The following XDH variants were observed in gnomAD, a reference collection of about 807,000 sequenced individuals.
The protein encoded by XDH is xanthine dehydrogenase, also known as xanthine dehydrogenase/oxidase.
XDH carries 138 observed loss-of-function variants against 156.1 expected under a neutral mutation model. The observed-to-expected ratio is 0.88, with a 90% CI of 0.77 to 1.02. XDH has a LOEUF of 1.02. Among genes scored for constraint, XDH ranks in the 50% least tolerant of loss-of-function variants. XDH has a pLI of 0.00. For missense variants in XDH, 1,849 were observed against 1,684.9 expected, an observed-to-expected ratio of 1.10 and a Z score of -1.71; for synonymous variants, 669 against 625.7, an observed-to-expected ratio of 1.07 and a Z score of -1.03.
intron 4 of XDH, among the ~76,000 whole-genome samples, chr2:31,399,911 C>T (rs1431293208): frequency 6.6e-6 from 1 of 152,216 alleles, no homozygotes; most frequent in African/African-American, 2.4e-5. Flanking sequence ...TGAGAATAGA[C>T]TAATACTTGA....
At chr2:31,361,938 T>C (rs1260005230) in intron 24 of XDH, among the ~76,000 whole-genome samples, 2 of 152,196 alleles carry the variant, frequency 1.3e-5, no homozygotes, top group Non-Finnish European at 2.9e-5. Flanking sequence ...AATTTAATGG[T>C]AATTGCTTGC....
At chr2:31,400,988 T>C (rs1189690839) in intron 4 of XDH, among the ~76,000 whole-genome samples, 1 of 152,222 alleles carries the variant, frequency 6.6e-6, no homozygotes, top group Non-Finnish European at 1.5e-5. Context: ...CTTCAGATCA[T>C]GCAATGTTAT....
intron 31 of XDH, among the ~76,000 whole-genome samples, chr2:31,343,634 GT>G (rs146699532): frequency 0.055 from 7,542 of 136,514 alleles, 226 homozygotes; most frequent in South Asian, 0.072. Context: ...GCATAGAAAT[GT>G]TTTGTGTGTG....
intron 15 of XDH, among the ~76,000 whole-genome samples, chr2:31,374,300 G>A (rs1339836966): frequency 6.6e-6 from 1 of 152,150 alleles, no homozygotes; most frequent in African/African-American, 2.4e-5. Context: ...CCTCAATTCT[G>A]TGGGAAGCAT....
At chr2:31,369,546 A>G (rs45550931) in intron 18 of XDH, among the ~76,000 whole-genome samples, 3,632 of 152,242 alleles carry the variant, frequency 0.024, 134 homozygotes, top group African/African-American at 0.081. Context: ...TATGGCCCAA[A>G]TAAGCTATTG....
Position 31,335,083 on chromosome 2 carries a change from C to T in XDH, c.*875G>A, listed in dbSNP as rs1390586814. On this transcript the variant is annotated 3_prime_UTR_variant, in exon 36 of 36. Transcript: ENST00000379416. ...ACAGGAGCTCTCTATGTTGCCCAGGCTGGTCTCAAACTGCTGGGCTCAAGC... is the reference window on the plus strand; with the variant it reads ...ACAGGAGCTCTCTATGTTGCCCAGGTTGGTCTCAAACTGCTGGGCTCAAGC... 1 of 152,182 alleles carries T rather than the reference C, an allele frequency of 6.6e-6. No individual in the cohort carries two copies. The highest frequency in any genetic ancestry group is 1.9e-4 in the East Asian group (1 of 5,196). The allele number at this position is 152,182 out of a possible 1,614,324, so 9.4% of individuals were successfully genotyped here.
At chr2:31,371,583 G>A (rs1686072513) in intron 17 of XDH, among the ~76,000 whole-genome samples, 1 of 152,168 alleles carries the variant, frequency 6.6e-6, no homozygotes, top group South Asian at 2.1e-4. Context: ...TAGACAATGT[G>A]GGTTATGGTA....
At chr2:31,408,819 A>G (rs1291930091) in intron 1 of XDH, among the ~76,000 whole-genome samples, 2 of 152,242 alleles carry the variant, frequency 1.3e-5, no homozygotes, top group African/African-American at 2.4e-5. Flanking sequence ...AGTATATAAA[A>G]CAGATACCTG....
rs1687430744 is a variant in XDH, at chr2:31,414,642, A to G, written c.25T>C (p.Phe9Leu). The G allele has an allele frequency of 2.5e-6, 4 of 1,614,000 alleles. No individual in the cohort carries two copies. The highest frequency in any genetic ancestry group is 3.4e-6 in the Non-Finnish European group (4 of 1,179,990). Residue 9 changes from phenylalanine (F) to leucine (L), a missense_variant, in exon 1 of 36, where the codon TTT becomes CTT. Phe to Leu is a conservative substitution (Grantham distance 22, BLOSUM62 0). Coordinates refer to ENST00000379416, the MANE Select transcript of XDH (RefSeq NM_000379.4). ...CTACTTACCTTTCTGCCATTCACAAAGAAAACCAATTTGTCTGCTGTCATT... is the reference window on the plus strand; with the variant it reads ...CTACTTACCTTTCTGCCATTCACAAGGAAAACCAATTTGTCTGCTGTCATT... MTADKLVF[F>L]VNGRKVVEKN...
chr2:31,379,762 G>T, intron 13 of XDH, 105 bp downstream of exon 13: 1 of 1,089,986 alleles, frequency 9.2e-7, no homozygotes. Flanking sequence ...TGTAAAGGTT[G>T]AGAGATGCTC....
rs531981113 is a variant in XDH at position 31,339,696 on chromosome 2, GCA to G, written c.3586-21_3586-20del. On this transcript the variant is annotated intron_variant, in intron 33 of 35. Coordinates refer to ENST00000379416, the MANE Select transcript of XDH (RefSeq NM_000379.4). Reference sequence around the variant, plus strand: ...CTTCCACCTGCAGGATGGATGGAGAGCACAGTTAGCCTGCCACCTTCTTCCCT... The same window carrying G: ...CTTCCACCTGCAGGATGGATGGAGAGCAGTTAGCCTGCCACCTTCTTCCCT... 2.3e-4 allele frequency: 379 copies of G among 1,613,316 alleles called. 4 individuals are homozygous for G. In the East Asian group the frequency reaches 8.4e-3, roughly 36 times the overall value.
chr2:31,402,023 C>A (rs974561919), intron 3 of XDH, among the ~76,000 whole-genome samples: 1 of 152,186 alleles, frequency 6.6e-6, no homozygotes, highest in African/African-American at 2.4e-5. Flanking sequence ...CAATTTAAAT[C>A]TTGTTAAAGT....
At chr2:31,377,294 G>A in intron 13 of XDH, 57 bp from the exon 14 acceptor site, 1 of 1,601,142 alleles carries the variant, frequency 6.2e-7, no homozygotes, top group Non-Finnish European at 8.5e-7. Context: ...GGCTGCAAAT[G>A]GCAGACCCAA....
intron 16 of XDH, among the ~76,000 whole-genome samples, chr2:31,373,264 C>T (rs1686127069): frequency 1.3e-5 from 2 of 152,278 alleles, no homozygotes; most frequent in South Asian, 4.1e-4. Context: ...AGAGTTCATG[C>T]CTGGGACGAC....
intron 5 of XDH, among the ~76,000 whole-genome samples, chr2:31,398,187 G>A (rs1290258967): frequency 6.6e-6 from 1 of 152,174 alleles, no homozygotes; most frequent in African/African-American, 2.4e-5. Context: ...ACACATTGGT[G>A]GTCTTGGCCC....
In XDH at chr2:31,368,627, C is replaced by G. The variant is rs756013401; in HGVS notation, c.2014G>C (p.Val672Leu). The change falls in exon 19 of 36, where the codon GTT (valine) becomes CTT (leucine). Residue 672 changes from valine to leucine, a missense_variant. Physicochemically the swap from Val to Leu is conservative, Grantham distance 32. Coordinates refer to ENST00000379416, the MANE Select transcript of XDH (RefSeq NM_000379.4). ...TGTGTGTGTTCCGGGGTGTCAGCAA[C>G]CACAGCACCAATGATATGCCCAACA... is the stretch of plus-strand genomic sequence containing the variant. Reference protein sequence around the residue: ...TCVGHIIGAVVADTPEHTQRA... With the variant: ...TCVGHIIGAVLADTPEHTQRA... 6.9e-5 allele frequency: 111 copies of G among 1,614,066 alleles called. No homozygotes were observed. The highest frequency in any genetic ancestry group is 8.7e-5 in the Non-Finnish European group (103 of 1,180,050).
At chr2:31,372,531 G>C in intron 16 of XDH, 134 bp from the exon 17 acceptor site, 1 of 1,181,058 alleles carries the variant, frequency 8.5e-7, no homozygotes, top group Non-Finnish European at 1.2e-6. Flanking sequence ...TCAGAGGGGC[G>C]TGGGGCAAAG....
chr2:31,351,940 T>C (rs1308687576), intron 24 of XDH, among the ~76,000 whole-genome samples: 1 of 152,234 alleles, frequency 6.6e-6, no homozygotes, highest in Non-Finnish European at 1.5e-5. Context: ...TGTCCTCAGG[T>C]TTCTAAATTT....
At position 31,398,638 on chromosome 2, in the gene XDH, C is replaced by T; in HGVS notation, c.368G>A (p.Ser123Asn). 3.1e-6 allele frequency: 5 copies of T among 1,614,162 alleles called. No individual in the cohort carries two copies. Among genetic ancestry groups the T allele is most frequent in the South Asian group, 1.1e-5 (1 of 91,082 alleles). ...CGFCTPGIVM[S>N]MYTLLRNQPE... ...CTGATTCCGGAGCAGTGTGTACATA[C>T]TCATGACGATGCCAGGGGTGCAGAA... The change falls in exon 5 of 36, where the codon AGT becomes AAT. Residue 123 changes from serine to asparagine, a missense_variant. By Grantham distance (46) the Ser-to-Asn change is conservative. Coordinates refer to ENST00000379416, the MANE Select transcript of XDH (RefSeq NM_000379.4).
Sources: gnomAD v4.1 joint callset for allele counts (sites outside exome capture counted in the v4.1 genomes callset) on GRCh38, gnomAD v4.1.1 for gene constraint, MANE v1.5 for transcripts, NCBI Gene and HGNC (gene_info 2026-07-23, HGNC 2026-07-21) for gene names.